The following SMIM45 variants were observed in gnomAD, a reference collection of about 807,000 sequenced individuals.
The protein encoded by SMIM45 is small integral membrane protein 45.
the SMIM45 span, among the ~76,000 whole-genome samples, chr22:41,951,730 T>C: frequency 9.8e-5 from 15 of 152,302 alleles, no homozygotes; most frequent in East Asian, 2.9e-3. Context: ...AAATGTTACA[T>C]TGAGCCAATG....
At chr22:41,947,535 T>C in the SMIM45 span, among the ~76,000 whole-genome samples, 1 of 151,970 alleles carries the variant, frequency 6.6e-6, no homozygotes, top group Non-Finnish European at 1.5e-5. Context: ...GCCCGACTTA[T>C]TTTTTTATTT....
the SMIM45 span, among the ~76,000 whole-genome samples, chr22:41,951,980 A>G: frequency 7.9e-5 from 12 of 152,058 alleles, no homozygotes; most frequent in Non-Finnish European, 1.3e-4. Context: ...CACTCCCCCA[A>G]TCCTGCCGCT....
chr22:41,957,206 T>TTC, the SMIM45 span, among the ~76,000 whole-genome samples: 1 of 137,090 alleles, frequency 7.3e-6, no homozygotes, highest in African/African-American at 3.0e-5. Context: ...TTTTTTTTTT[T>TTC]TTCCTGAGAC....
chr22:41,958,414 G>C, the SMIM45 span: 8 of 456,358 alleles, frequency 1.8e-5, no homozygotes, highest in African/African-American at 1.6e-4. Flanking sequence ...GCTCAGGCTT[G>C]GAACTGGTGA....
At chr22:41,946,996 G>T in the SMIM45 span, 2 of 1,611,692 alleles carry the variant, frequency 1.2e-6, no homozygotes, top group Non-Finnish European at 1.7e-6. Flanking sequence ...AACCGGCGGG[G>T]GAAGCAGGGC....
At chr22:41,953,117 T>C in the SMIM45 span, among the ~76,000 whole-genome samples, 1 of 152,156 alleles carries the variant, frequency 6.6e-6, no homozygotes, top group East Asian at 1.9e-4. Flanking sequence ...CCTTCACAAA[T>C]AGGGCACTTT....
chr22:41,954,409 G>A, the SMIM45 span, among the ~76,000 whole-genome samples: 1 of 151,978 alleles, frequency 6.6e-6, no homozygotes, highest in African/African-American at 2.4e-5. Context: ...GTTTCTCCAT[G>A]TTGGCCAGGC....
chr22:41,951,234 G>T, the SMIM45 span, among the ~76,000 whole-genome samples: 4 of 152,260 alleles, frequency 2.6e-5, no homozygotes, highest in African/African-American at 9.6e-5. Flanking sequence ...GCCCTAGGGG[G>T]CTGCTCTCTC....
At chr22:41,947,007 C>T in the SMIM45 span, 91 of 1,612,440 alleles carry the variant, frequency 5.6e-5, no homozygotes, top group African/African-American at 1.0e-3. Context: ...GAAGCAGGGC[C>T]GCCTGCACCT....
At chr22:41,947,150 A>G in the SMIM45 span, 8 of 1,471,140 alleles carry the variant, frequency 5.4e-6, no homozygotes, top group Non-Finnish European at 6.6e-6. Context: ...CAGCCCCTAG[A>G]GCGCGGCCTG....
chr22:41,950,812 C>T, the SMIM45 span, among the ~76,000 whole-genome samples: 3 of 152,106 alleles, frequency 2.0e-5, no homozygotes, highest in Admixed American at 6.5e-5. Flanking sequence ...TGGCCAATAT[C>T]GTAAACCCGC....
At chr22:41,954,506 A>G in the SMIM45 span, among the ~76,000 whole-genome samples, 13,576 of 152,146 alleles carry the variant, frequency 0.089, 1,259 homozygotes, top group East Asian at 0.51. Flanking sequence ...ACAGCCAGAC[A>G]GTGATCTGGC....
chr22:41,954,637 A>G, the SMIM45 span, among the ~76,000 whole-genome samples: 1 of 152,234 alleles, frequency 6.6e-6, no homozygotes, highest in Non-Finnish European at 1.5e-5. Context: ...AGGCAGTTCC[A>G]TGTGACCGCA....
chr22:41,948,873 A>C, the SMIM45 span, among the ~76,000 whole-genome samples: 3 of 152,140 alleles, frequency 2.0e-5, no homozygotes, highest in Non-Finnish European at 2.9e-5. Context: ...GACCAGCCTG[A>C]CCAGCATGGA....
chr22:41,956,849 C>T, the SMIM45 span, among the ~76,000 whole-genome samples: 10 of 152,352 alleles, frequency 6.6e-5, no homozygotes, highest in African/African-American at 1.9e-4. Flanking sequence ...AGCACAGTGG[C>T]GCGATCTTGG....
At chr22:41,956,223 C>G in the SMIM45 span, among the ~76,000 whole-genome samples, 1 of 152,162 alleles carries the variant, frequency 6.6e-6, no homozygotes. Flanking sequence ...GTTGCCCAGG[C>G]TGGTCTCGAA....
At chr22:41,951,907 C>G in the SMIM45 span, among the ~76,000 whole-genome samples, 2 of 152,222 alleles carry the variant, frequency 1.3e-5, no homozygotes, top group African/African-American at 2.4e-5. Context: ...AGCCACGGTC[C>G]TCTCCTCTCT....
chr22:41,956,590 G>A, the SMIM45 span, among the ~76,000 whole-genome samples: 1 of 152,218 alleles, frequency 6.6e-6, no homozygotes, highest in African/African-American at 2.4e-5. Context: ...GGGCTCAGGG[G>A]CACAAGGAGA....
chr22:41,952,351 T>C, the SMIM45 span: 146,222 of 152,514 alleles, frequency 0.96, 70,174 homozygotes, highest in East Asian at 1. Flanking sequence ...CACGGGCCAA[T>C]GCTGAGCTGC....
Sources: gnomAD v4.1 joint callset for allele counts (sites outside exome capture counted in the v4.1 genomes callset) on GRCh38, gnomAD v4.1.1 for gene constraint, MANE v1.5 for transcripts, NCBI Gene and HGNC (gene_info 2026-07-23, HGNC 2026-07-21) for gene names.